Variants in SLC5A3 observed in about 807,000 individuals in gnomAD.
SLC5A3 encodes the protein solute carrier family 5 member 3.
In SLC5A3, 10 loss-of-function variants were observed where a neutral mutation model predicts 43.2. The observed-to-expected ratio is 0.23, with a 90% CI of 0.14 to 0.39. The LOEUF is 0.39. Among genes scored for constraint, SLC5A3 ranks in the 10% least tolerant of loss-of-function variants. SLC5A3 has a pLI of 1.00. For missense variants in SLC5A3, 608 were observed against 893.4 expected (o/e 0.68, Z 4.07); for synonymous variants, 349 against 322.0 (o/e 1.08, Z -0.90).
Position 34,102,122 on chromosome 21 carries a change from T to G in SLC5A3, c.*4767T>G, listed in dbSNP as rs1979264746. 2 of 1,000,158 alleles carry G rather than the reference T, an allele frequency of 2.0e-6. No homozygotes were observed. The highest frequency in any genetic ancestry group is 3.5e-5 in the African/African-American group (2 of 57,348). 62.0% of individuals were successfully genotyped at this position (1,000,158 alleles called of 1,614,324 possible). On this transcript the variant is annotated 3_prime_UTR_variant, in exon 2 of 2. Coordinates refer to ENST00000381151, the MANE Select transcript of SLC5A3 (RefSeq NM_006933.7). ...AATCTTTTTCTTCTGTCAAGGTCAC[T>G]TAATATGGAATGTTTTTGTCAGACT... is the stretch of plus-strand genomic sequence containing the variant.
At chr21:34,086,517 T>TTGTG (rs34988334) in intron 1 of SLC5A3, among the ~76,000 whole-genome samples, 2,057 of 148,370 alleles carry the variant, frequency 0.014, 40 homozygotes, top group South Asian at 0.084. Flanking sequence ...TAGTTTGTGT[T>TTGTG]TGTGTGTGTG....
In SLC5A3 at chr21:34,104,922, T is replaced by G; in HGVS notation, c.*7567T>G. 1.0e-6 allele frequency: 1 copy of G among 1,000,186 alleles called. No homozygotes were observed. Among genetic ancestry groups the G allele is most frequent in the Non-Finnish European group, 1.2e-6 (1 of 829,864 alleles). The allele number at this position is 1,000,186 out of a possible 1,614,324, so 62.0% of individuals were successfully genotyped here. ...GAAATGCCTTTCATCTATAATTTCA[T>G]GGAGAACTGCTTTAATTAGCCTAGG... On this transcript the variant is annotated 3_prime_UTR_variant, in exon 2 of 2. Coordinates refer to ENST00000381151, the MANE Select transcript of SLC5A3 (RefSeq NM_006933.7).
At position 34,101,652 on chromosome 21, in the gene SLC5A3, G is replaced by A. The variant is rs911338475; in HGVS notation, c.*4297G>A. The A allele has an allele frequency of 2.0e-6, 2 of 1,000,098 alleles. No individual in the cohort carries two copies. Among genetic ancestry groups the A allele is most frequent in the Non-Finnish European group, 2.4e-6 (2 of 829,946 alleles). 62.0% of individuals were successfully genotyped at this position (1,000,098 alleles called of 1,614,324 possible). ...AAATTTTGATTTTTTTGTCAGCTTA[G>A]TTCACTTTAAGGCATATTGGCATGG... On this transcript the variant is annotated 3_prime_UTR_variant, in exon 2 of 2. Transcript: ENST00000381151.
chr21:34,096,930 A>G lies in SLC5A3; in HGVS notation c.1732A>G (p.Asn578Asp). 2.5e-6 allele frequency: 4 copies of G among 1,614,166 alleles called. No individual in the cohort carries two copies. The highest frequency in any genetic ancestry group is 1.7e-4 in the Middle Eastern group (1 of 6,060). Residue 578 changes from asparagine to aspartate, a missense_variant, in exon 2 of 2, where the codon AAT becomes GAT. This residue lies in a region of SLC5A3 where 210 missense variants were observed against 224.8 expected (regional missense o/e 0.93). Coordinates refer to ENST00000381151, the MANE Select transcript of SLC5A3 (RefSeq NM_006933.7). The surrounding 1 kb of genome is among the most constrained non-coding windows in gnomAD (Gnocchi z 5.9). ...AAAGAGCATTCTGAGATGCAGTGAG[A>G]ATAATGAGACCATCAACCACATCAT... ...QEKSILRCSE[N>D]NETINHIIPN...
rs554380597 is a variant in SLC5A3 at position 34,099,603 on chromosome 21, A to ATT, written c.*2257_*2258dup. ...CGTAAATGAATAGGAGGTGTTTGTG[A>ATT]TTTTTTTTTTCTCCCTTTATTTAAC... is the stretch of plus-strand genomic sequence containing the variant. On this transcript the variant is annotated 3_prime_UTR_variant, in exon 2 of 2. Coordinates refer to ENST00000381151, the MANE Select transcript of SLC5A3 (RefSeq NM_006933.7). 20 of 953,118 alleles carry ATT rather than the reference A, an allele frequency of 2.1e-5. No homozygotes were observed. Among genetic ancestry groups the ATT allele is most frequent in the Non-Finnish European group, 2.3e-5 (18 of 789,880 alleles). The allele number at this position is 953,118 out of a possible 1,614,324, so 59.0% of individuals were successfully genotyped here. A position where few individuals can be genotyped will look rare whatever the true frequency, so the allele number is the denominator to read the frequency against.
chr21:34,086,517 TTGTGTGTG>T lies in SLC5A3; in HGVS notation c.-336-8322_-336-8315del, dbSNP rs34988334. Among the ~76,000 whole-genome samples, 683 of 148,378 alleles carry T rather than the reference TTGTGTGTG, an allele frequency of 4.6e-3. 3 individuals carry two copies. Among genetic ancestry groups the T allele is most frequent in the African/African-American group, 0.015 (607 of 40,142 alleles). Reference sequence around the variant, plus strand: ...ACTTGTGTTTATTTCTAGTTTGTGTTTGTGTGTGTGTGTGTGTGTGTGTGTGTGTGTAT... The same window carrying T: ...ACTTGTGTTTATTTCTAGTTTGTGTTTGTGTGTGTGTGTGTGTGTGTGTAT... On this transcript the variant is annotated intron_variant, in intron 1 of 1. Coordinates refer to ENST00000381151, the MANE Select transcript of SLC5A3 (RefSeq NM_006933.7).
In SLC5A3 at chr21:34,095,948, G is replaced by A. The variant is rs773538127; in HGVS notation, c.750G>A (p.Met250Ile). The A allele has an allele frequency of 1.2e-6, 2 of 1,614,098 alleles. No homozygotes were observed. The highest frequency in any genetic ancestry group is 1.7e-6 in the Non-Finnish European group (2 of 1,179,998). The change falls in exon 2 of 2, where the codon ATG (methionine) becomes ATA (isoleucine). Residue 250 changes from methionine (M) to isoleucine (I), a missense_variant. Around this residue, in one of 2 missense-constraint regions of SLC5A3, gnomAD observed 398 missense variants for 668.6 expected, o/e 0.60. Transcript: ENST00000381151. ...CCCCTAAGAAAGAAGCCCTGAAAATGCTGCGGAATCCAACAGATGAAGATG... is the reference window on the plus strand; with the variant it reads ...CCCCTAAGAAAGAAGCCCTGAAAATACTGCGGAATCCAACAGATGAAGATG... ...NVSPKKEALKMLRNPTDEDVP... is the reference protein window; with the variant it reads ...NVSPKKEALKILRNPTDEDVP...
rs1018984945 is a variant in SLC5A3 at position 34,091,246 on chromosome 21, G to A, written c.-336-3617G>A. ...GTTTGGTCACGTTTAAGATTATTGC[G>A]TACTACTCTTTGCAGGCCCCGCCCT... On this transcript the variant is annotated intron_variant, in intron 1 of 1. Coordinates refer to ENST00000381151, the MANE Select transcript of SLC5A3 (RefSeq NM_006933.7). Among the ~76,000 whole-genome samples, 10 of 64,222 alleles carry A rather than the reference G, an allele frequency of 1.6e-4. No homozygotes were observed. The South Asian group carries it at 2.3e-3, about 15-fold the overall frequency. The allele number at this position is 64,222 out of a possible 152,430, so 42.1% of individuals were successfully genotyped here.
chr21:34,102,726 G>C lies in SLC5A3; in HGVS notation c.*5371G>C, dbSNP rs1979303199. On this transcript the variant is annotated 3_prime_UTR_variant, in exon 2 of 2. Transcript: ENST00000381151. ...CGAGCAAATCAAGACAAAACACAGT[G>C]GTCTCAGATTTTTCGTAGTGTGGGA... 1 of 999,922 alleles carries C rather than the reference G, an allele frequency of 1.0e-6. No homozygotes were observed. Among genetic ancestry groups the C allele is most frequent in the South Asian group, 4.7e-5 (1 of 21,290 alleles). 61.9% of individuals were successfully genotyped at this position (999,922 alleles called of 1,614,324 possible). A position where few individuals can be genotyped will look rare whatever the true frequency, so the allele number is the denominator to read the frequency against.
rs189236221 is a variant in SLC5A3 at position 34,077,508 on chromosome 21, T to C, written c.-337+3763T>C. ...GAATTTTTACATGAAGAATTAAAGG[T>C]TAATGGCTTAATAACTAATTCACTT... On this transcript the variant is annotated intron_variant, in intron 1 of 1. Transcript: ENST00000381151. 5.4e-4 allele frequency among the ~76,000 whole-genome samples: 83 copies of C among 152,336 alleles called. No individual in the cohort carries two copies. The East Asian group carries it at 0.014, about 27-fold the overall frequency.
chr21:34,074,412 A>G (rs1989272534), intron 1 of SLC5A3, among the ~76,000 whole-genome samples: 3 of 152,170 alleles, frequency 2.0e-5, no homozygotes, highest in African/African-American at 4.8e-5. Context: ...TCATTCATCC[A>G]AGTTGTGGCC....
Position 34,104,443 on chromosome 21 carries a change from A to G in SLC5A3, c.*7088A>G. ...TTGTCTTAAATTTTGCCCATGTGTT[A>G]AAAGATGTAATTCTCAGAATGGGAG... On this transcript the variant is annotated 3_prime_UTR_variant, in exon 2 of 2. Coordinates refer to ENST00000381151, the MANE Select transcript of SLC5A3 (RefSeq NM_006933.7). The G allele has an allele frequency of 1.0e-6, 1 of 1,000,004 alleles. No individual in the cohort carries two copies. The highest frequency in any genetic ancestry group is 1.2e-6 in the Non-Finnish European group (1 of 829,828). The allele number at this position is 1,000,004 out of a possible 1,614,324, so 61.9% of individuals were successfully genotyped here.
Position 34,099,888 on chromosome 21 carries a change from G to A in SLC5A3, c.*2533G>A. On this transcript the variant is annotated 3_prime_UTR_variant, in exon 2 of 2. Transcript: ENST00000381151. ...TTATTGCTTCCCAGTAATAGATAATGTGCTCGAGTAAGTTTGTGAATTGCT... is the reference window on the plus strand; with the variant it reads ...TTATTGCTTCCCAGTAATAGATAATATGCTCGAGTAAGTTTGTGAATTGCT... 1 of 358,530 alleles carries A rather than the reference G, an allele frequency of 2.8e-6. No homozygotes were observed. Among genetic ancestry groups the A allele is most frequent in the Non-Finnish European group, 4.1e-6 (1 of 243,866 alleles). The allele number at this position is 358,530 out of a possible 1,614,324, so 22.2% of individuals were successfully genotyped here.
At chr21:34,087,856 T>C (rs917560744) in intron 1 of SLC5A3, among the ~76,000 whole-genome samples, 6 of 152,218 alleles carry the variant, frequency 3.9e-5, no homozygotes, top group Non-Finnish European at 7.3e-5. Flanking sequence ...TGTCTTTGAT[T>C]CTGGATATAT....
rs1387120793 is a variant in SLC5A3, at chr21:34,104,048, A to T, written c.*6693A>T. On this transcript the variant is annotated 3_prime_UTR_variant, in exon 2 of 2. Coordinates refer to ENST00000381151, the MANE Select transcript of SLC5A3 (RefSeq NM_006933.7). ...TGCCCCCCCAAACATGCAGAAAGTC[A>T]TACTTTAACAGGGCAAATACTACTT... is the stretch of plus-strand genomic sequence containing the variant. The T allele has an allele frequency of 1.0e-6, 1 of 1,000,028 alleles. No homozygotes were observed. The highest frequency in any genetic ancestry group is 1.2e-6 in the Non-Finnish European group (1 of 829,928). 61.9% of individuals were successfully genotyped at this position (1,000,028 alleles called of 1,614,324 possible).
Position 34,104,283 on chromosome 21 carries a change from C to T in SLC5A3, c.*6928C>T, listed in dbSNP as rs1330552311. On this transcript the variant is annotated 3_prime_UTR_variant, in exon 2 of 2. Coordinates refer to ENST00000381151, the MANE Select transcript of SLC5A3 (RefSeq NM_006933.7). ...TTCTTTCACTTGTCCCATTAACCCT[C>T]TTCTAGTCTAGATGAGATGAAATCT... 1 of 1,000,038 alleles carries T rather than the reference C, an allele frequency of 1.0e-6. No homozygotes were observed. Among genetic ancestry groups the T allele is most frequent in the East Asian group, 1.1e-4 (1 of 8,834 alleles). The allele number at this position is 1,000,038 out of a possible 1,614,324, so 61.9% of individuals were successfully genotyped here.
chr21:34,103,687 T>C lies in SLC5A3; in HGVS notation c.*6332T>C. On this transcript the variant is annotated 3_prime_UTR_variant, in exon 2 of 2. Coordinates refer to ENST00000381151, the MANE Select transcript of SLC5A3 (RefSeq NM_006933.7). ...GGCCACCAGGTATTTGTCTCAGAGTTGCTATGAGCACTACAGTATTGATAA... is the reference window on the plus strand; with the variant it reads ...GGCCACCAGGTATTTGTCTCAGAGTCGCTATGAGCACTACAGTATTGATAA... The C allele has an allele frequency of 1.0e-6, 1 of 1,000,170 alleles. No individual in the cohort carries two copies. Among genetic ancestry groups the C allele is most frequent in the Non-Finnish European group, 1.2e-6 (1 of 829,952 alleles). 62.0% of individuals were successfully genotyped at this position (1,000,170 alleles called of 1,614,324 possible).
chr21:34,086,901 C>T (rs539853113), intron 1 of SLC5A3, among the ~76,000 whole-genome samples: 3 of 152,150 alleles, frequency 2.0e-5, no homozygotes, highest in African/African-American at 7.2e-5. Context: ...GGAATTGTTG[C>T]TTGCCGGCAC....
chr21:34,073,786 GC>G, intron 1 of SLC5A3, 41 bp downstream of exon 1: 1 of 1,415,184 alleles, frequency 7.1e-7, no homozygotes, highest in Non-Finnish European at 9.4e-7. Context: ...CCGCGCGGGC[GC>G]CCCCGCTGCC....
Sources: allele counts gnomAD v4.1 joint callset (sites outside exome capture counted in the v4.1 genomes callset), GRCh38; gene constraint gnomAD v4.1.1; regional missense constraint gnomAD v4.1.1; non-coding constraint Gnocchi (gnomAD v3.1); transcripts MANE v1.5; gene names NCBI Gene and HGNC (gene_info 2026-07-23, HGNC 2026-07-21).